The following SMURF1 variants were observed in gnomAD, a reference collection of about 807,000 sequenced individuals.
SMURF1 encodes E3 ubiquitin-protein ligase SMURF1.
Under a neutral mutation model 98.0 loss-of-function variants are expected in SMURF1, and 44 were observed. The observed-to-expected ratio is 0.45, with a 90% CI of 0.35 to 0.58. SMURF1 has a LOEUF of 0.58. Among genes scored for constraint, SMURF1 ranks in the 20% least tolerant of loss-of-function variants. The pLI is 0.00. For synonymous variants in SMURF1, 396 were observed against 374.9 expected (o/e 1.06, Z -0.65); for missense variants, 687 against 938.4 (o/e 0.73, Z 3.50).
chr7:99,088,558 C>T (rs572983804), intron 1 of SMURF1, among the ~76,000 whole-genome samples: 41 of 152,044 alleles, frequency 2.7e-4, no homozygotes, highest in African/African-American at 9.4e-4. Flanking sequence ...ACTATGCAGT[C>T]ACTTCTGCAT....
intron 1 of SMURF1, among the ~76,000 whole-genome samples, chr7:99,063,273 A>ATATATATATATATAAGATT (rs1796101588): frequency 1.6e-4 from 2 of 12,876 alleles, no homozygotes; most frequent in East Asian, 4.2e-3. Flanking sequence ...ATATATATAT[A>ATATATATATATATAAGATT]TATATATATA....
chr7:99,087,257 T>A (rs1584163400), intron 1 of SMURF1, among the ~76,000 whole-genome samples: 2 of 152,058 alleles, frequency 1.3e-5, no homozygotes, highest in African/African-American at 4.8e-5. Context: ...TGGTGCCATA[T>A]GCCTATGGTC....
intron 1 of SMURF1, among the ~76,000 whole-genome samples, chr7:99,109,495 T>G (rs1197749094): frequency 6.6e-6 from 1 of 152,148 alleles, no homozygotes; most frequent in Non-Finnish European, 1.5e-5. Flanking sequence ...AGTGCCTCTC[T>G]CGGAGGCCTG....
At chr7:99,059,404 AAAT>A (rs1254370233) in intron 3 of SMURF1, among the ~76,000 whole-genome samples, 10 of 23,176 alleles carry the variant, frequency 4.3e-4, no homozygotes, top group African/African-American at 1.8e-3. Flanking sequence ...TCTCAAAAAA[AAAT>A]AAAATAAAAT....
intron 1 of SMURF1, among the ~76,000 whole-genome samples, chr7:99,135,533 C>A (rs996058334): frequency 3.9e-4 from 59 of 152,280 alleles, no homozygotes; most frequent in Admixed American, 1.1e-3. Context: ...TTTTTCCCCC[C>A]ACTCAATAAT....
chr7:99,041,743 G>T (rs142350033), intron 12 of SMURF1, among the ~76,000 whole-genome samples: 1 of 152,338 alleles, frequency 6.6e-6, no homozygotes, highest in African/African-American at 2.4e-5. Flanking sequence ...GGCTTAAAAA[G>T]CTAGTTCTGG....
chr7:99,110,390 C>T (rs1407880341), intron 1 of SMURF1, among the ~76,000 whole-genome samples: 1 of 152,068 alleles, frequency 6.6e-6, no homozygotes, highest in Non-Finnish European at 1.5e-5. Context: ...TAACACAATC[C>T]TGTGAAAATA....
chr7:99,031,264 C>G (rs1794874422), intron 17 of SMURF1: 2 of 152,174 alleles, frequency 1.3e-5, no homozygotes, highest in African/African-American at 4.8e-5. Context: ...CCTGCAAAAA[C>G]AAAATAGATC....
At chr7:99,082,085 T>C (rs895991506) in intron 1 of SMURF1, among the ~76,000 whole-genome samples, 3 of 152,260 alleles carry the variant, frequency 2.0e-5, no homozygotes, top group African/African-American at 7.2e-5. Context: ...GTAGCCTTCT[T>C]TGGAGAAATG....
Position 99,030,456 on chromosome 7 carries a change from G to C in SMURF1, c.*128C>G, listed in dbSNP as rs886966686. On this transcript the variant is annotated 3_prime_UTR_variant, in exon 18 of 18. Coordinates refer to ENST00000361368, the MANE Select transcript of SMURF1 (RefSeq NM_181349.3). ...TCCCCCTCCCCCAACAGAAAGGAGA[G>C]AGACAACCCTTTCCCCTCAGGTGAT... 1 of 777,264 alleles carries C rather than the reference G, an allele frequency of 1.3e-6. No individual in the cohort carries two copies. The highest frequency in any genetic ancestry group is 2.1e-6 in the Non-Finnish European group (1 of 466,774). The allele number at this position is 777,264 out of a possible 1,614,324, so 48.1% of individuals were successfully genotyped here.
chr7:99,093,448 T>C (rs1301672078), intron 1 of SMURF1, among the ~76,000 whole-genome samples: 3 of 152,182 alleles, frequency 2.0e-5, no homozygotes, highest in Non-Finnish European at 4.4e-5. Flanking sequence ...AGTTTTATCC[T>C]GGAAAATAAA....
At chr7:99,107,358 G>T (rs1797216349) in intron 1 of SMURF1, among the ~76,000 whole-genome samples, 1 of 152,152 alleles carries the variant, frequency 6.6e-6, no homozygotes, top group Non-Finnish European at 1.5e-5. Flanking sequence ...CACATTGCCT[G>T]CCTGTATCAA....
chr7:99,061,932 A>G, intron 1 of SMURF1, 95 bp from the exon 2 acceptor site: 1 of 915,628 alleles, frequency 1.1e-6, no homozygotes, highest in Non-Finnish European at 1.6e-6. Context: ...GACTCTAAAA[A>G]TTAGCTTTGC....
rs371513204 is a variant in SMURF1, at chr7:99,101,870, G to A, written c.56-40033C>T. On this transcript the variant is annotated intron_variant, in intron 1 of 17. Coordinates refer to ENST00000361368, the MANE Select transcript of SMURF1 (RefSeq NM_181349.3). ...GAATCATTTGAACAGGGAGGCGGAG[G>A]TTGCAGTGAGCCGAGATTGTGCCAT... Among the ~76,000 whole-genome samples, 47 of 151,570 alleles carry A rather than the reference G, an allele frequency of 3.1e-4. No individual in the cohort carries two copies. The East Asian group carries it at 5.8e-3, about 19-fold the overall frequency.
At chr7:99,056,867 G>T (rs1335869759) in intron 5 of SMURF1, among the ~76,000 whole-genome samples, 1 of 151,764 alleles carries the variant, frequency 6.6e-6, no homozygotes, top group Non-Finnish European at 1.5e-5. Flanking sequence ...GCCAGGCGTG[G>T]TGGCACACAC....
intron 9 of SMURF1, chr7:99,048,134 T>G: frequency 2.3e-6 from 1 of 435,770 alleles, no homozygotes; most frequent in East Asian, 4.9e-5. Context: ...AAGCCTGTAA[T>G]CCCAGCACTT....
chr7:99,031,055 T>TATCA (rs1201663473), intron 17 of SMURF1: 2 of 183,884 alleles, frequency 1.1e-5, no homozygotes, highest in African/African-American at 4.7e-5. Flanking sequence ...TTACTGCTTC[T>TATCA]ATCAGGACAA....
At chr7:99,085,576 A>G (rs954529999) in intron 1 of SMURF1, among the ~76,000 whole-genome samples, 15 of 152,180 alleles carry the variant, frequency 9.9e-5, no homozygotes, top group African/African-American at 1.4e-4. Context: ...TGCATTTATC[A>G]TACTCAATGA....
intron 8 of SMURF1, 99 bp downstream of exon 8, chr7:99,051,258 T>C: frequency 9.7e-7 from 1 of 1,030,852 alleles, no homozygotes; most frequent in Non-Finnish European, 1.5e-6. Flanking sequence ...TTCATCACTA[T>C]TTTTAGTTTA....
Sources: allele counts gnomAD v4.1 joint callset (sites outside exome capture counted in the v4.1 genomes callset), GRCh38; gene constraint gnomAD v4.1.1; transcripts MANE v1.5; gene names NCBI Gene and HGNC (gene_info 2026-07-23, HGNC 2026-07-21).